The following TENM3 variants were observed in gnomAD, a reference collection of about 807,000 sequenced individuals.
TENM3 encodes teneurin-3.
In TENM3, 63 loss-of-function variants were observed where a neutral mutation model predicts 255.1. That is an observed-to-expected ratio of 0.25 (90% CI 0.20 to 0.30). The LOEUF (loss-of-function observed/expected upper bound fraction) is 0.30, where lower values mean the gene tolerates loss of function less well. Among genes scored for constraint, TENM3 ranks in the 10% least tolerant of loss-of-function variants. TENM3 has a pLI of 1.00. For missense variants in TENM3, 2,929 were observed against 3,461.1 expected, an observed-to-expected ratio of 0.85 and a Z score of 3.86; for synonymous variants, 1,306 against 1,322.3, an observed-to-expected ratio of 0.99 and a Z score of 0.27.
At chr4:181,831,861 A>G in the TENM3 span, among the ~76,000 whole-genome samples, 1 of 152,274 alleles carries the variant, frequency 6.6e-6, no homozygotes, top group East Asian at 1.9e-4. Context: ...TAGGAGCAAT[A>G]CACTAAGAGT....
the TENM3 span, among the ~76,000 whole-genome samples, chr4:181,920,883 T>C: frequency 7.2e-5 from 11 of 152,198 alleles, no homozygotes; most frequent in African/African-American, 2.7e-4. Flanking sequence ...CGTTTAAGTC[T>C]TTAATCCGTC....
the TENM3 span, among the ~76,000 whole-genome samples, chr4:182,025,176 C>T: frequency 4.4e-4 from 67 of 152,074 alleles, no homozygotes; most frequent in African/African-American, 1.6e-3. Context: ...CTACAGGCGC[C>T]CACCACCACG....
intron 3 of TENM3, among the ~76,000 whole-genome samples, chr4:182,412,873 A>T (rs940132849): frequency 1.3e-5 from 2 of 151,950 alleles, no homozygotes; most frequent in Admixed American, 6.5e-5. Context: ...TCAAAAAAAA[A>T]AAAAAGAATA....
the TENM3 span, among the ~76,000 whole-genome samples, chr4:181,841,267 C>T: frequency 3.3e-5 from 5 of 151,960 alleles, no homozygotes; most frequent in Non-Finnish European, 4.4e-5. Context: ...ATTTAAAATT[C>T]AGGGACAGTA....
At chr4:182,216,566 AG>A (rs1193356367) in intron 1 of TENM3, among the ~76,000 whole-genome samples, 12 of 152,250 alleles carry the variant, frequency 7.9e-5, no homozygotes, top group African/African-American at 2.7e-4. Flanking sequence ...CTACCTGAAT[AG>A]GAAAAATAAA....
At chr4:182,616,866 C>A (rs1330198238) in intron 4 of TENM3, among the ~76,000 whole-genome samples, 1 of 152,116 alleles carries the variant, frequency 6.6e-6, no homozygotes, top group African/African-American at 2.4e-5. Flanking sequence ...TGAGTAAGAA[C>A]GGGTAATTTT....
At position 182,751,255 on chromosome 4, in the gene TENM3, G is replaced by A. The variant is rs539296182; in HGVS notation, c.3630-545G>A. Among the ~76,000 whole-genome samples the A allele has an allele frequency of 1.4e-3, 217 of 152,000 alleles. 1 individual carries two copies. The highest frequency in any genetic ancestry group is 4.7e-3 in the African/African-American group (195 of 41,274). Reference sequence around the variant, plus strand: ...ATTTAACCCCATAGGACAGACACTGGCACTTTTCTGGATTATGATAGAGCA... The same window carrying A: ...ATTTAACCCCATAGGACAGACACTGACACTTTTCTGGATTATGATAGAGCA... On this transcript the variant is annotated intron_variant, in intron 19 of 27. Coordinates refer to ENST00000511685, the MANE Select transcript of TENM3 (RefSeq NM_001080477.4).
At chr4:181,915,695 G>C in the TENM3 span, among the ~76,000 whole-genome samples, 1 of 148,452 alleles carries the variant, frequency 6.7e-6, no homozygotes, top group East Asian at 2.1e-4. Flanking sequence ...GAAGGGGGGA[G>C]GGGAGGAGAG....
At chr4:182,651,823 ATCTT>A (rs55844977) in intron 5 of TENM3, among the ~76,000 whole-genome samples, 42,590 of 151,948 alleles carry the variant, frequency 0.28, 6,500 homozygotes, top group East Asian at 0.46. Flanking sequence ...TATTTTTGGT[ATCTT>A]TCTTACTATA....
chr4:181,530,687 C>T, the TENM3 span, among the ~76,000 whole-genome samples: 1 of 152,156 alleles, frequency 6.6e-6, no homozygotes, highest in Non-Finnish European at 1.5e-5. Flanking sequence ...ATGTAATCCT[C>T]CAAACAGGCA....
chr4:182,321,930 G>A (rs1763078242), intron 1 of TENM3, among the ~76,000 whole-genome samples: 1 of 152,050 alleles, frequency 6.6e-6, no homozygotes, highest in Non-Finnish European at 1.5e-5. Flanking sequence ...GGGCAACAGA[G>A]CGAGATTCCG....
At chr4:182,762,818 TATC>T (rs67535946) in intron 22 of TENM3, among the ~76,000 whole-genome samples, 27,370 of 152,052 alleles carry the variant, frequency 0.18, 3,144 homozygotes, top group East Asian at 0.54. Context: ...TTGGGGATAC[TATC>T]ATCTACATGC....
the TENM3 span, among the ~76,000 whole-genome samples, chr4:181,693,653 T>C: frequency 6.6e-6 from 1 of 152,178 alleles, no homozygotes. Flanking sequence ...AGTAGAGTTC[T>C]GCAGTGGGAG....
rs1368685796 is a variant in TENM3, at chr4:182,730,897, G to A, written c.2725G>A (p.Gly909Ser). The change falls in exon 16 of 28, where the codon GGT becomes AGT. Residue 909 changes from glycine (G) to serine (S), a missense_variant. Physicochemically the swap from Gly to Ser is moderately conservative, Grantham distance 56 (BLOSUM62 0). Transcript: ENST00000511685. ...TCTTAGGTTTGACTTGGTGGCAAATGGTGGGGCCTCTCTAACTTTGGTATT... is the reference window on the plus strand; with the variant it reads ...TCTTAGGTTTGACTTGGTGGCAAATAGTGGGGCCTCTCTAACTTTGGTATT... ...QDGMFDLVAN[G>S]GASLTLVFER... The A allele has an allele frequency of 6.2e-7, 1 of 1,613,874 alleles. No homozygotes were observed.
chr4:182,220,323 G>A (rs1427296564), intron 1 of TENM3, among the ~76,000 whole-genome samples: 1 of 135,174 alleles, frequency 7.4e-6, no homozygotes, highest in Non-Finnish European at 1.5e-5. Context: ...GTTGCAGTGA[G>A]CAGAGATCAC....
At chr4:181,463,515 G>A in the TENM3 span, among the ~76,000 whole-genome samples, 1 of 152,178 alleles carries the variant, frequency 6.6e-6, no homozygotes, top group East Asian at 1.9e-4. Context: ...AAAACTATGT[G>A]TTTATTTAAG....
chr4:181,801,693 T>TATATATAC, the TENM3 span, among the ~76,000 whole-genome samples: 1 of 123,494 alleles, frequency 8.1e-6, no homozygotes, highest in Non-Finnish European at 1.7e-5. Context: ...TATATATATA[T>TATATATAC]ATATGCAACA....
chr4:182,428,748 A>G (rs979366946), intron 3 of TENM3, among the ~76,000 whole-genome samples: 2 of 152,146 alleles, frequency 1.3e-5, no homozygotes, highest in Non-Finnish European at 2.9e-5. Flanking sequence ...TTTTAAAAAT[A>G]CCTTATTTTG....
the TENM3 span, among the ~76,000 whole-genome samples, chr4:181,654,754 C>CAAAAAA: frequency 1.1e-5 from 1 of 93,018 alleles, no homozygotes; most frequent in Non-Finnish European, 2.0e-5. Flanking sequence ...AACTCCATCT[C>CAAAAAA]AAAAAAAAAA....
Sources: allele counts gnomAD v4.1 joint callset (sites outside exome capture counted in the v4.1 genomes callset), GRCh38; gene constraint gnomAD v4.1.1; transcripts MANE v1.5; gene names NCBI Gene and HGNC (gene_info 2026-07-23, HGNC 2026-07-21).